ZNF644: variants seen among roughly 807,000 people sequenced by gnomAD.
The protein encoded by ZNF644 is zinc finger motif enhancer binding protein 2.
Under a neutral mutation model 108.0 loss-of-function variants are expected in ZNF644, and 20 were observed. The ratio of observed to expected loss-of-function variants is 0.19; its 90% CI spans 0.13 to 0.27. The LOEUF (loss-of-function observed/expected upper bound fraction) is 0.27. Among genes scored for constraint, ZNF644 ranks in the 10% least tolerant of loss-of-function variants. ZNF644 has a pLI of 1.00. For synonymous variants in ZNF644, 542 were observed against 539.1 expected (o/e 1.01, Z -0.08); for missense variants, 1,338 against 1,548.9 (o/e 0.86, Z 2.29).
intron 2 of ZNF644, among the ~76,000 whole-genome samples, chr1:90,953,178 C>T (rs1380032751): frequency 1.3e-5 from 2 of 152,158 alleles, no homozygotes; most frequent in Non-Finnish European, 2.9e-5. Flanking sequence ...ACATCTCCCC[C>T]CCTCATTAAA....
Position 90,916,822 on chromosome 1 carries a change from T to C in ZNF644, c.3960A>G (p.Leu1320=), listed in dbSNP as rs1270851175. 1.2e-6 allele frequency: 2 copies of C among 1,614,204 alleles called. No individual in the cohort carries two copies. The highest frequency in any genetic ancestry group is 1.3e-5 in the African/African-American group (1 of 75,060). Reference sequence around the variant, plus strand: ...TCTATGAAGCTGCTTCGGCCATTAGTAGAGAAAATGAAGTTTCTGTAATGG... The same window carrying C: ...TCTATGAAGCTGCTTCGGCCATTAGCAGAGAAAATGAAGTTTCTGTAATGG... ...PASITETSFS[L]LMAEAAS The change falls in exon 6 of 6, where the codon CTA becomes CTG. Residue 1320 remains leucine (L), a synonymous_variant. Coordinates refer to ENST00000337393, the MANE Select transcript of ZNF644 (RefSeq NM_201269.3).
chr1:90,939,468 T>C lies in ZNF644; in HGVS notation c.1886A>G (p.Asp629Gly). Reference sequence around the variant, plus strand: ...ACTATCTACAGGTTCTTCAAGGATGTCATTTTTTCTTTTATCAAGTCCAAG... The same window carrying C: ...ACTATCTACAGGTTCTTCAAGGATGCCATTTTTTCTTTTATCAAGTCCAAG... ...SPLGLDKRKN[D>G]ILEEPVDSDS... is the part of the protein sequence containing the mutation. Residue 629 changes from aspartate (D) to glycine (G), a missense_variant, in exon 3 of 6, where the codon GAC (aspartate) becomes GGC (glycine). Coordinates refer to ENST00000337393, the MANE Select transcript of ZNF644 (RefSeq NM_201269.3). The C allele has an allele frequency of 1.2e-6, 2 of 1,613,842 alleles. No individual in the cohort carries two copies. The highest frequency in any genetic ancestry group is 1.7e-6 in the Non-Finnish European group (2 of 1,179,908).
At chr1:90,943,697 TA>T (rs1652242330) in intron 2 of ZNF644, among the ~76,000 whole-genome samples, 1 of 152,200 alleles carries the variant, frequency 6.6e-6, no homozygotes, top group Admixed American at 6.5e-5. Flanking sequence ...AGATCACATT[TA>T]ATGATATCAC....
chr1:90,980,927 T>C (rs888547626), intron 2 of ZNF644, among the ~76,000 whole-genome samples: 12 of 152,144 alleles, frequency 7.9e-5, no homozygotes, highest in African/African-American at 2.7e-4. Flanking sequence ...TTCAGCTCTA[T>C]ACCTCAAATT....
intron 1 of ZNF644, among the ~76,000 whole-genome samples, chr1:91,017,708 T>C (rs1451328249): frequency 1.3e-5 from 2 of 152,218 alleles, no homozygotes; most frequent in Admixed American, 6.5e-5. Flanking sequence ...ACGCCTGTAA[T>C]CCCAGCACTT....
rs1373045344 is a variant in ZNF644, at chr1:90,949,272, TA to T, written c.45-7964del. Among the ~76,000 whole-genome samples the T allele has an allele frequency of 7.3e-5, 11 of 151,660 alleles. No homozygotes were observed. In the South Asian group the frequency reaches 2.3e-3, roughly 32 times the overall value. On this transcript the variant is annotated intron_variant, in intron 2 of 5. Transcript: ENST00000337393. ...GGAAAAGTATGACATCTTTGAGAACTAAAAAAAAGAACAAAACTGAAAGTGC... is the reference window on the plus strand; with the variant it reads ...GGAAAAGTATGACATCTTTGAGAACTAAAAAAAGAACAAAACTGAAAGTGC...
In ZNF644 at chr1:90,935,369, G is replaced by T. The variant is rs975175717; in HGVS notation, c.3688+2116C>A. On this transcript the variant is annotated intron_variant, in intron 4 of 5. Transcript: ENST00000337393. ...CTGGTGGGGAAAAAAAAAGTGTATT[G>T]TATCAAACAGACTTGCTGTGATATC... The T allele has an allele frequency of 3.0e-6, 3 of 985,650 alleles. No individual in the cohort carries two copies. The African/African-American group carries it at 5.2e-5, about 17-fold the overall frequency. 61.1% of individuals were successfully genotyped at this position (985,650 alleles called of 1,614,324 possible). A position where few individuals can be genotyped will look rare whatever the true frequency, so the allele number is the denominator to read the frequency against.
At chr1:90,991,057 A>G (rs918511786) in intron 1 of ZNF644, among the ~76,000 whole-genome samples, 2 of 152,194 alleles carry the variant, frequency 1.3e-5, no homozygotes, top group African/African-American at 4.8e-5. Flanking sequence ...TTACATGTCA[A>G]TTATGCCTCA....
At chr1:91,002,279 T>C (rs556684414) in intron 1 of ZNF644, among the ~76,000 whole-genome samples, 4 of 152,200 alleles carry the variant, frequency 2.6e-5, no homozygotes, top group Non-Finnish European at 5.9e-5. Flanking sequence ...CTTCAAACTA[T>C]ACTACAAGGC....
chr1:90,921,661 C>G (rs979222422), intron 4 of ZNF644, among the ~76,000 whole-genome samples: 7 of 151,570 alleles, frequency 4.6e-5, no homozygotes, highest in Admixed American at 3.9e-4. Context: ...TTCAAGTTAC[C>G]TGATTTATAA....
intron 4 of ZNF644, among the ~76,000 whole-genome samples, chr1:90,922,772 G>C (rs1170925126): frequency 6.6e-6 from 1 of 151,768 alleles, no homozygotes; most frequent in Non-Finnish European, 1.5e-5. Context: ...CCAGTCTGTT[G>C]CTCCCTTCTT....
At chr1:91,007,738 C>T (rs1031551546) in intron 1 of ZNF644, among the ~76,000 whole-genome samples, 2 of 152,138 alleles carry the variant, frequency 1.3e-5, no homozygotes, top group East Asian at 1.9e-4. Context: ...TTTTTCATAG[C>T]ATCCTTTCTT....
At position 90,992,935 on chromosome 1, in the gene ZNF644, T is replaced by C. The variant is rs186360804; in HGVS notation, c.-17-10565A>G. On this transcript the variant is annotated intron_variant, in intron 1 of 5. Transcript: ENST00000337393. ...GGTGCATGTCTGTGGTCCTAGCTAC[T>C]CAAGAGGCCAAGGCAGGAGGATTGC... Among the ~76,000 whole-genome samples the C allele has an allele frequency of 6.8e-3, 1,028 of 152,178 alleles. 7 individuals carry two copies. The highest frequency in any genetic ancestry group is 0.011 in the Non-Finnish European group (733 of 68,000).
chr1:90,995,911 C>T (rs1401187689), intron 1 of ZNF644, among the ~76,000 whole-genome samples: 1 of 152,194 alleles, frequency 6.6e-6, no homozygotes, highest in Non-Finnish European at 1.5e-5. Flanking sequence ...ACCATGTTGG[C>T]ACTCTGATCC....
intron 1 of ZNF644, among the ~76,000 whole-genome samples, chr1:90,990,805 CT>C (rs1442754531): frequency 6.6e-6 from 1 of 152,178 alleles, no homozygotes; most frequent in African/African-American, 2.4e-5. Context: ...GGAAAATCTC[CT>C]GATTCACGTT....
chr1:90,929,677 C>T (rs1294684615), intron 4 of ZNF644, among the ~76,000 whole-genome samples: 1 of 152,170 alleles, frequency 6.6e-6, no homozygotes, highest in Non-Finnish European at 1.5e-5. Flanking sequence ...ATAGCACTTT[C>T]CACAACATAA....
chr1:90,972,166 A>C (rs1279875329), intron 2 of ZNF644, among the ~76,000 whole-genome samples: 1 of 152,206 alleles, frequency 6.6e-6, no homozygotes, highest in East Asian at 1.9e-4. Flanking sequence ...GAAAATGTAA[A>C]AATTTTTGTG....
chr1:91,010,671 G>A (rs1659881214), intron 1 of ZNF644, among the ~76,000 whole-genome samples: 2 of 151,992 alleles, frequency 1.3e-5, no homozygotes, highest in Non-Finnish European at 2.9e-5. Flanking sequence ...TATTTTGTCA[G>A]CTCAGTAATT....
chr1:90,933,573 G>A (rs781450689), intron 4 of ZNF644, among the ~76,000 whole-genome samples: 6 of 151,974 alleles, frequency 3.9e-5, no homozygotes, highest in Admixed American at 6.5e-5. Flanking sequence ...CTGAGGCAGG[G>A]GAATTGCTTG....
Sources: gnomAD v4.1 joint callset for allele counts (sites outside exome capture counted in the v4.1 genomes callset) on GRCh38, gnomAD v4.1.1 for gene constraint, MANE v1.5 for transcripts, NCBI Gene and HGNC (gene_info 2026-07-23, HGNC 2026-07-21) for gene names.